The following SIL1 variants were observed in gnomAD, a reference collection of about 807,000 sequenced individuals.
SIL1 encodes nucleotide exchange factor SIL1.
SIL1 carries 40 observed loss-of-function variants against 49.1 expected under a neutral mutation model. The ratio of observed to expected loss-of-function variants is 0.81; its 90% confidence interval spans 0.63 to 1.06. The LOEUF (loss-of-function observed/expected upper bound fraction) is 1.06, where lower values mean the gene tolerates loss of function less well. SIL1 is among the 50% of genes least tolerant of loss of function. The pLI is 0.00. For synonymous variants in SIL1, 253 were observed against 250.8 expected, an observed-to-expected ratio of 1.01 and a Z score of -0.08; for missense variants, 500 against 572.6, an observed-to-expected ratio of 0.87 and a Z score of 1.29.
intron 7 of SIL1, among the ~76,000 whole-genome samples, chr5:139,001,084 G>T (rs984968385): frequency 6.6e-6 from 1 of 152,036 alleles, no homozygotes; most frequent in Non-Finnish European, 1.5e-5. Context: ...GTGTGTGTGG[G>T]GGGGGAAACT....
intron 5 of SIL1, among the ~76,000 whole-genome samples, chr5:139,040,776 C>T (rs1486219524): frequency 1.3e-5 from 2 of 151,658 alleles, no homozygotes; most frequent in Non-Finnish European, 2.9e-5. Flanking sequence ...TGCACCCAGC[C>T]GAGAGGAGTA....
rs569691411 is a variant in SIL1 at position 139,195,458 on chromosome 5, G to A, written c.-11+2811C>T. ...GGCTGGAGTGAATGGCGTGATCTCC[G>A]CTCACTGCAAGCTCCGCTTCCCAGG... On this transcript the variant is annotated intron_variant, in intron 1 of 9. Coordinates refer to ENST00000394817, the MANE Select transcript of SIL1 (RefSeq NM_022464.5). Among the ~76,000 whole-genome samples, 230 of 152,080 alleles carry A rather than the reference G, an allele frequency of 1.5e-3. 2 individuals carry two copies. Among genetic ancestry groups the A allele is most frequent in the Middle Eastern group, 3.4e-3 (1 of 292 alleles).
rs1205323058 is a variant in SIL1 at position 138,948,442 on chromosome 5, T to C, written c.1030-969A>G. Among the ~76,000 whole-genome samples, 4 of 152,076 alleles carry C rather than the reference T, an allele frequency of 2.6e-5. No individual in the cohort carries two copies. In the East Asian group the frequency reaches 7.7e-4, roughly 29 times the overall value. ...AGTGCCTCCTGCTCTCACCCTCTCC[T>C]CCAGCCCCCAAACCCTCACAGCCTG... On this transcript the variant is annotated intron_variant, in intron 9 of 9. Transcript: ENST00000394817. This position sits in a 1 kb window ranked among gnomAD's most constrained non-coding sequence, Gnocchi z 4.8.
At chr5:138,970,861 T>C (rs1023924721) in intron 7 of SIL1, among the ~76,000 whole-genome samples, 1 of 151,170 alleles carries the variant, frequency 6.6e-6, no homozygotes, top group Non-Finnish European at 1.5e-5. Context: ...AAAATTGTGG[T>C]GAGCCAAGAT....
chr5:139,180,999 T>A (rs1751972850), intron 1 of SIL1, among the ~76,000 whole-genome samples: 1 of 152,210 alleles, frequency 6.6e-6, no homozygotes, highest in Non-Finnish European at 1.5e-5. Flanking sequence ...AGGTTAACCC[T>A]TCCCCCTGCA....
chr5:139,021,669 GC>G (rs1388900766), intron 6 of SIL1, among the ~76,000 whole-genome samples: 1 of 152,116 alleles, frequency 6.6e-6, no homozygotes, highest in Non-Finnish European at 1.5e-5. Context: ...CATGCTTCCT[GC>G]TGATGTCCAA....
At chr5:139,114,610 G>A (rs1770945634) in intron 3 of SIL1, among the ~76,000 whole-genome samples, 1 of 152,170 alleles carries the variant, frequency 6.6e-6, no homozygotes, top group African/African-American at 2.4e-5. Context: ...ATAGAGGGAG[G>A]GACCAGAAGT....
intron 1 of SIL1, among the ~76,000 whole-genome samples, chr5:139,133,680 T>C (rs1750914641): frequency 1.3e-5 from 2 of 152,204 alleles, no homozygotes; most frequent in South Asian, 2.1e-4. Context: ...CTAAGTGTCC[T>C]GGACAAGCAA....
rs555665008 is a variant in SIL1 at position 139,182,749 on chromosome 5, T to G, written c.-11+15520A>C. Among the ~76,000 whole-genome samples, 10 of 152,306 alleles carry G rather than the reference T, an allele frequency of 6.6e-5. No individual in the cohort carries two copies. The South Asian group carries it at 1.5e-3, about 22-fold the overall frequency. Reference sequence around the variant, plus strand: ...ATTTATTGAGTGCTTACCATGTATATATCTGAAAAACCCAGGGGGTTTCAC... The same window carrying G: ...ATTTATTGAGTGCTTACCATGTATAGATCTGAAAAACCCAGGGGGTTTCAC... On this transcript the variant is annotated intron_variant, in intron 1 of 9. Coordinates refer to ENST00000394817, the MANE Select transcript of SIL1 (RefSeq NM_022464.5).
chr5:139,120,912 C>A, intron 3 of SIL1, 123 bp downstream of exon 3: 1 of 1,234,882 alleles, frequency 8.1e-7, no homozygotes, highest in Non-Finnish European at 1.2e-6. Flanking sequence ...CTCTGACGGA[C>A]CATGCTGTTT....
intron 1 of SIL1, among the ~76,000 whole-genome samples, chr5:139,184,254 G>T (rs1296465078): frequency 6.6e-6 from 1 of 152,150 alleles, no homozygotes; most frequent in African/African-American, 2.4e-5. Context: ...CAAGAACTAA[G>T]AACAAGGTAC....
intron 9 of SIL1, among the ~76,000 whole-genome samples, chr5:138,949,248 G>A (rs1306880353): frequency 1.3e-5 from 2 of 152,198 alleles, no homozygotes; most frequent in African/African-American, 4.8e-5. Context: ...TCTCACCACT[G>A]CAGAAGCCCA....
chr5:139,169,114 G>A (rs1294322544), intron 1 of SIL1, among the ~76,000 whole-genome samples: 1 of 152,148 alleles, frequency 6.6e-6, no homozygotes, highest in Admixed American at 6.5e-5. Flanking sequence ...TCTATGAATA[G>A]TCCCAGTACT....
rs577025864 is a variant in SIL1, at chr5:138,979,883, G to A, written c.768-27999C>T. On this transcript the variant is annotated intron_variant, in intron 7 of 9. Transcript: ENST00000394817. Reference sequence around the variant, plus strand: ...GATGCAACACTCCTGAGAAGTGAACGGCATCATCAATAACAAACTCCCTGA... The same window carrying A: ...GATGCAACACTCCTGAGAAGTGAACAGCATCATCAATAACAAACTCCCTGA... Among the ~76,000 whole-genome samples the A allele has an allele frequency of 4.6e-5, 7 of 152,268 alleles. No homozygotes were observed. In the South Asian group the frequency reaches 8.3e-4, roughly 18 times the overall value.
chr5:139,030,277 C>T (rs1768757668), intron 5 of SIL1, among the ~76,000 whole-genome samples: 1 of 151,812 alleles, frequency 6.6e-6, no homozygotes, highest in Non-Finnish European at 1.5e-5. Context: ...CCAGCCTGGC[C>T]AACTAGAGAA....
At chr5:138,967,982 C>T (rs1469783482) in intron 7 of SIL1, among the ~76,000 whole-genome samples, 3 of 152,154 alleles carry the variant, frequency 2.0e-5, no homozygotes, top group Non-Finnish European at 2.9e-5. Flanking sequence ...GGGAGAAGGC[C>T]TGTGGGGTGT....
chr5:138,974,937 C>T (rs1767365345), intron 7 of SIL1, among the ~76,000 whole-genome samples: 1 of 152,124 alleles, frequency 6.6e-6, no homozygotes, highest in Non-Finnish European at 1.5e-5. Context: ...GAAGCTGAGG[C>T]TTAGGTTAAG....
intron 3 of SIL1, among the ~76,000 whole-genome samples, chr5:139,101,556 CT>C (rs1421900210): frequency 6.6e-6 from 1 of 152,196 alleles, no homozygotes; most frequent in East Asian, 1.9e-4. Flanking sequence ...GCACATCTAC[CT>C]TTTCTCTTCC....
chr5:139,055,612 C>CCG (rs1447013410), intron 3 of SIL1, among the ~76,000 whole-genome samples: 26 of 43,014 alleles, frequency 6.0e-4, no homozygotes, highest in African/African-American at 4.3e-3. Context: ...CTCTCCCTCT[C>CCG]CCTCTCCCCC....
Sources: gnomAD v4.1 joint callset for allele counts (sites outside exome capture counted in the v4.1 genomes callset) on GRCh38, gnomAD v4.1.1 for gene constraint, Gnocchi (gnomAD v3.1) non-coding constraint, MANE v1.5 for transcripts, NCBI Gene and HGNC (gene_info 2026-07-23, HGNC 2026-07-21) for gene names.